GCNT1: variants seen among roughly 807,000 people sequenced by gnomAD.
GCNT1 encodes the protein beta-1,3-galactosyl-O-glycosyl-glycoprotein beta-1,6-N-acetylglucosaminyltransferase.
A neutral mutation model predicts 26.2 loss-of-function variants in GCNT1; 16 were observed. The ratio of observed to expected loss-of-function variants is 0.61; its 90% CI spans 0.41 to 0.93. The LOEUF (loss-of-function observed/expected upper bound fraction) is 0.93. GCNT1 is among the 40% of genes least tolerant of loss of function. GCNT1 has a pLI of 0.00. For missense variants in GCNT1, 477 were observed against 526.7 expected, an observed-to-expected ratio of 0.91 and a Z score of 0.92; for synonymous variants, 183 against 190.8, an observed-to-expected ratio of 0.96 and a Z score of 0.34.
chr9:76,486,213 C>CT (rs1386308789), intron 2 of GCNT1, among the ~76,000 whole-genome samples: 1 of 152,198 alleles, frequency 6.6e-6, no homozygotes, highest in Admixed American at 6.5e-5. Flanking sequence ...CCTGAAGATT[C>CT]TATGTGTTAA....
At chr9:76,401,400 G>A in the GCNT1 span, among the ~76,000 whole-genome samples, 1 of 151,978 alleles carries the variant, frequency 6.6e-6, no homozygotes, top group Non-Finnish European at 1.5e-5. Context: ...TGCATAACTG[G>A]AACTACAGGT....
At chr9:76,414,882 C>G (rs10121699), upstream of GCNT1, among the ~76,000 whole-genome samples, 117,485 of 152,048 alleles carry the variant, frequency 0.77, 46,116 homozygotes, top group Middle Eastern at 0.86. Context: ...CAGTCCTGTT[C>G]ACCTCCAGTC....
At chr9:76,456,932 G>A (rs989683125), upstream of GCNT1, among the ~76,000 whole-genome samples, 11 of 152,154 alleles carry the variant, frequency 7.2e-5, no homozygotes, top group Non-Finnish European at 1.5e-4. Context: ...CTGTGATTGC[G>A]CCACTGTGCT....
chr9:76,432,689 A>G (rs780820610), intron 1 of GCNT1, among the ~76,000 whole-genome samples: 7 of 152,150 alleles, frequency 4.6e-5, no homozygotes, highest in Non-Finnish European at 5.9e-5. Context: ...AGGCAGTCAA[A>G]TGACTAGGCA....
At chr9:76,433,038 C>A (rs1446672244) in intron 1 of GCNT1, among the ~76,000 whole-genome samples, 1 of 152,150 alleles carries the variant, frequency 6.6e-6, no homozygotes, top group Non-Finnish European at 1.5e-5. Context: ...AAGTGGGAGA[C>A]CACCCTTGTG....
chr9:76,435,735 A>G lies in GCNT1; in HGVS notation n.38+15848A>G, dbSNP rs563173148. Reference sequence around the variant, plus strand: ...ATGTTAATTACATTCTTAAAGCCCTATCTCCAAATACAGTCACATCAGAGG... The same window carrying G: ...ATGTTAATTACATTCTTAAAGCCCTGTCTCCAAATACAGTCACATCAGAGG... On this transcript the variant is annotated intron_variant and non_coding_transcript_variant, in intron 1 of 3. Coordinates refer to the GCNT1 transcript ENST00000488136. Among the ~76,000 whole-genome samples the G allele has an allele frequency of 8.4e-4, 128 of 152,258 alleles. No homozygotes were observed. In the Middle Eastern group the frequency reaches 0.017, roughly 20 times the overall value.
the GCNT1 span, chr9:76,394,093 T>C: frequency 1.2e-6 from 2 of 1,604,780 alleles, no homozygotes; most frequent in Non-Finnish European, 1.7e-6. Context: ...CTCTCACCTG[T>C]GGGGATGCCC....
At chr9:76,405,096 G>A in the GCNT1 span, among the ~76,000 whole-genome samples, 1 of 152,184 alleles carries the variant, frequency 6.6e-6, no homozygotes, top group East Asian at 1.9e-4. Flanking sequence ...TGGGATTACA[G>A]GCATGAGCCA....
the GCNT1 span, chr9:76,399,002 C>T: frequency 2.2e-5 from 35 of 1,560,854 alleles, no homozygotes; most frequent in Non-Finnish European, 2.5e-5. Flanking sequence ...AATTGCTGGC[C>T]ACTTCACTCC....
At chr9:76,396,247 T>A in the GCNT1 span, among the ~76,000 whole-genome samples, 1 of 152,220 alleles carries the variant, frequency 6.6e-6, no homozygotes, top group Admixed American at 6.5e-5. Context: ...TTTTTCACAC[T>A]GTCTCATGTA....
rs12342008 is a variant in GCNT1 at position 76,506,359 on chromosome 9, C to T, written c.*2691C>T. ...TTCAAGACCAGCCTAGCCAACATGACGAAACCCCATCTCTACTGAAAATAG... is the reference window on the plus strand; with the variant it reads ...TTCAAGACCAGCCTAGCCAACATGATGAAACCCCATCTCTACTGAAAATAG... On this transcript the variant is annotated 3_prime_UTR_variant, in exon 4 of 4. Transcript: ENST00000376730. 8.9e-3 allele frequency: 1,481 copies of T among 166,768 alleles called. 18 individuals carry two copies. Among genetic ancestry groups the T allele is most frequent in the African/African-American group, 0.034 (1,390 of 41,430 alleles). The allele number at this position is 166,768 out of a possible 1,614,324, so 10.3% of individuals were successfully genotyped here. A position where few individuals can be genotyped will look rare whatever the true frequency, so the allele number is the denominator to read the frequency against.
chr9:76,416,702 C>G (rs948889500), upstream of GCNT1, among the ~76,000 whole-genome samples: 2 of 152,064 alleles, frequency 1.3e-5, no homozygotes, highest in African/African-American at 4.8e-5. Flanking sequence ...GGCATAAATT[C>G]TTCTTTTAAT....
intron 1 of GCNT1, among the ~76,000 whole-genome samples, chr9:76,428,265 C>CAAAAAAAAAAAAAAAAAAAAA (rs869195487): frequency 1.0e-4 from 3 of 29,770 alleles, no homozygotes; most frequent in Non-Finnish European, 1.3e-4. Context: ...GACTCCGTCT[C>CAAAAAAAAAAAAAAAAAAAAA]AAAAAAAAAA....
the GCNT1 span, chr9:76,398,556 G>T: frequency 1.6e-6 from 1 of 642,242 alleles, no homozygotes; most frequent in Non-Finnish European, 2.8e-6. Flanking sequence ...TCCAGAAATT[G>T]TGCTCACTTA....
At chr9:76,409,422 T>C in the GCNT1 span, among the ~76,000 whole-genome samples, 1 of 152,148 alleles carries the variant, frequency 6.6e-6, no homozygotes, top group Non-Finnish European at 1.5e-5. Context: ...ATTGATTTTC[T>C]GTTTTTATTT....
upstream of GCNT1, among the ~76,000 whole-genome samples, chr9:76,438,375 T>A (rs1489044178): frequency 6.6e-6 from 1 of 152,128 alleles, no homozygotes; most frequent in African/African-American, 2.4e-5. Context: ...AATGTCTGGG[T>A]TATAATAAGG....
chr9:76,394,006 G>A, the GCNT1 span: 14 of 1,337,610 alleles, frequency 1.0e-5, no homozygotes, highest in Non-Finnish European at 1.4e-5. Flanking sequence ...GAGGCCCCAC[G>A]CCCCGGTCCC....
At chr9:76,427,868 G>A (rs1587405647) in intron 1 of GCNT1, among the ~76,000 whole-genome samples, 2 of 152,134 alleles carry the variant, frequency 1.3e-5, no homozygotes, top group East Asian at 3.9e-4. Context: ...TGCAGTCCCA[G>A]ATAGTTGGGA....
the GCNT1 span, among the ~76,000 whole-genome samples, chr9:76,398,472 A>C: frequency 6.6e-6 from 1 of 152,242 alleles, no homozygotes; most frequent in Non-Finnish European, 1.5e-5. Flanking sequence ...GTTGGTGGGA[A>C]TACAAAATGG....
Sources: allele counts gnomAD v4.1 joint callset (sites outside exome capture counted in the v4.1 genomes callset), GRCh38; gene constraint gnomAD v4.1.1; transcripts MANE v1.5; gene names NCBI Gene and HGNC (gene_info 2026-07-23, HGNC 2026-07-21).